Variants in ASS1 observed in about 807,000 individuals in gnomAD.
ASS1 encodes the protein argininosuccinate synthase.
In ASS1, 58 loss-of-function variants were observed where a neutral mutation model predicts 60.5. The ratio of observed to expected loss-of-function variants is 0.96; its 90% CI spans 0.78 to 1.19. The LOEUF is 1.19. Among genes scored for constraint, ASS1 ranks in the 50% most tolerant of loss-of-function variants. The pLI is 0.00. For missense variants in ASS1, 454 were observed against 547.3 expected (o/e 0.83, Z 1.70); for synonymous variants, 200 against 206.9 (o/e 0.97, Z 0.29).
In ASS1 at chr9:130,464,066, AC is replaced by A. The variant is rs760128990; in HGVS notation, c.364-40del. ...CTCACGTCCTCCCCCAGACTCCAGAACCCCCATCCTGTGGCTCCTGACAGCC... is the reference window on the plus strand; with the variant it reads ...CTCACGTCCTCCCCCAGACTCCAGAACCCCATCCTGTGGCTCCTGACAGCC... On this transcript the variant is annotated intron_variant, in intron 4 of 14. Transcript: ENST00000352480. 5.0e-6 allele frequency: 8 copies of A among 1,610,438 alleles called. No individual in the cohort carries two copies. The African/African-American group carries it at 8.0e-5, about 16-fold the overall frequency.
chr9:130,501,255 A>C lies in ASS1; in HGVS notation c.*234A>C. ...GCTATAAAAATGACAATTAAAAGAG[A>C]CACTAGTCTTTTATTTCTAGTGAGT... On this transcript the variant is annotated 3_prime_UTR_variant, in exon 15 of 15. Coordinates refer to ENST00000352480, the MANE Select transcript of ASS1 (RefSeq NM_054012.4). The C allele has an allele frequency of 1.8e-6, 1 of 547,512 alleles. No individual in the cohort carries two copies. The highest frequency in any genetic ancestry group is 3.3e-6 in the Non-Finnish European group (1 of 305,480). 33.9% of individuals were successfully genotyped at this position (547,512 alleles called of 1,614,324 possible).
intron 1 of ASS1, among the ~76,000 whole-genome samples, chr9:130,448,794 C>T (rs1046651015): frequency 3.9e-5 from 6 of 152,172 alleles, no homozygotes; most frequent in Middle Eastern, 3.2e-3. Context: ...GAACTCCTGA[C>T]CTCAAGTGAT....
At chr9:130,463,368 T>C (rs932362892) in intron 4 of ASS1, among the ~76,000 whole-genome samples, 1 of 152,168 alleles carries the variant, frequency 6.6e-6, no homozygotes, top group African/African-American at 2.4e-5. Flanking sequence ...CCCGGCTATG[T>C]CGGGGGTAAC....
Position 130,496,155 on chromosome 9 carries a change from G to A in ASS1, c.1127+1132G>A, listed in dbSNP as rs76884613. ...AAGGGAACTAGCCAGGCAAGATGGT[G>A]CACACCTGTAATCCCAACTCTTTGG... On this transcript the variant is annotated intron_variant, in intron 13 of 14. Transcript: ENST00000352480. 8.6e-3 allele frequency among the ~76,000 whole-genome samples: 1,302 copies of A among 152,128 alleles called. 10 individuals carry two copies. Among genetic ancestry groups the A allele is most frequent in the Middle Eastern group, 0.014 (4 of 294 alleles).
chr9:130,479,571 C>T (rs1463004583), intron 9 of ASS1, 145 bp from the exon 10 acceptor site: 2 of 732,242 alleles, frequency 2.7e-6, no homozygotes, highest in East Asian at 2.6e-5. Flanking sequence ...TCAACCTGCA[C>T]AGGGCTTTTG....
At chr9:130,455,524 T>G (rs1442442320) in intron 3 of ASS1, among the ~76,000 whole-genome samples, 1 of 152,270 alleles carries the variant, frequency 6.6e-6, no homozygotes, top group Non-Finnish European at 1.5e-5. Flanking sequence ...TTCCCTCTTT[T>G]ATCTCTCTGT....
chr9:130,471,578 A>G (rs567075493), intron 8 of ASS1, 63 bp downstream of exon 8: 2 of 1,547,190 alleles, frequency 1.3e-6, no homozygotes, highest in Non-Finnish European at 1.8e-6. Context: ...CTCCATGCCG[A>G]TGCTGTCTGA....
Position 130,464,141 on chromosome 9 carries a change from T to C in ASS1, c.394T>C (p.Cys132Arg). The part of the protein sequence containing the change: ...GNDQVRFELS[C>R]YSLAPQIKVI... Reference sequence around the variant, plus strand: ...CGATCAGGTCCGGTTTGAGCTCAGCTGCTACTCACTGGCCCCCCAGATAAA... The same window carrying C: ...CGATCAGGTCCGGTTTGAGCTCAGCCGCTACTCACTGGCCCCCCAGATAAA... The change falls in exon 5 of 15, where the codon TGC becomes CGC. Residue 132 changes from cysteine to arginine, a missense_variant. Cys to Arg is a radical substitution (Grantham distance 180). Coordinates refer to ENST00000352480, the MANE Select transcript of ASS1 (RefSeq NM_054012.4). 8.7e-6 allele frequency: 14 copies of C among 1,613,984 alleles called. No homozygotes were observed. Among genetic ancestry groups the C allele is most frequent in the Non-Finnish European group, 1.2e-5 (14 of 1,179,984 alleles).
intron 5 of ASS1, among the ~76,000 whole-genome samples, chr9:130,464,899 C>T (rs764429364): frequency 1.3e-5 from 2 of 151,898 alleles, no homozygotes; most frequent in Non-Finnish European, 2.9e-5. Flanking sequence ...GTGCCGAGTG[C>T]AGGGCCCAGG....
chr9:130,466,682 A>AG (rs1845750765), intron 5 of ASS1, 43 bp from the exon 6 acceptor site: 1 of 1,591,912 alleles, frequency 6.3e-7, no homozygotes, highest in Non-Finnish European at 8.6e-7. Context: ...GGGGAAGCCC[A>AG]CAGCTCGGCC....
intron 1 of ASS1, chr9:130,450,195 C>T (rs748675185): frequency 6.0e-5 from 54 of 894,718 alleles, no homozygotes; most frequent in African/African-American, 2.7e-4. Flanking sequence ...GGAGATTGGG[C>T]GGCTGGAAAG....
chr9:130,492,775 G>C (rs1846479813), intron 12 of ASS1, among the ~76,000 whole-genome samples: 1 of 152,190 alleles, frequency 6.6e-6, no homozygotes, highest in African/African-American at 2.4e-5. Context: ...CTAGCAGCAC[G>C]GGGGAGGGGT....
In ASS1 at chr9:130,456,311, C is replaced by A. The variant is rs981401351; in HGVS notation, c.174+1938C>A. 4.0e-5 allele frequency among the ~76,000 whole-genome samples: 6 copies of A among 151,626 alleles called. No homozygotes were observed. In the East Asian group the frequency reaches 7.9e-4, roughly 20 times the overall value. The stretch of plus-strand genomic sequence containing the variant: ...TGAAACCCTGTCTCTACTAAAAATA[C>A]AAAAATTAGCTGGGCGCGATGGTGG... On this transcript the variant is annotated intron_variant, in intron 3 of 14. Coordinates refer to ENST00000352480, the MANE Select transcript of ASS1 (RefSeq NM_054012.4).
intron 4 of ASS1, among the ~76,000 whole-genome samples, chr9:130,461,757 C>T (rs1232373868): frequency 6.6e-6 from 1 of 152,204 alleles, no homozygotes; most frequent in African/African-American, 2.4e-5. Context: ...CTTGGAGGTG[C>T]TGGTCCAGCC....
chr9:130,496,853 C>G (rs983221390), intron 13 of ASS1, among the ~76,000 whole-genome samples: 2 of 152,252 alleles, frequency 1.3e-5, no homozygotes, highest in Non-Finnish European at 2.9e-5. Flanking sequence ...GTGGGACAGA[C>G]AGCCCCCACT....
In ASS1 at chr9:130,495,500, CAT is replaced by C. The variant is rs1554725214; in HGVS notation, c.1127+487_1127+488del. The stretch of plus-strand genomic sequence containing the variant: ...ACACACACACACACACACACACACA[CAT>C]ATATATATAAAATAATTGGGGTTGT... On this transcript the variant is annotated intron_variant, in intron 13 of 14. Transcript: ENST00000352480. Among the ~76,000 whole-genome samples, 1,341 of 148,324 alleles carry C rather than the reference CAT, an allele frequency of 9.0e-3. 21 individuals carry two copies. The highest frequency in any genetic ancestry group is 0.032 in the African/African-American group (1,233 of 38,782).
chr9:130,462,974 G>C lies in ASS1; in HGVS notation c.364-1137G>C, dbSNP rs376200746. On this transcript the variant is annotated intron_variant, in intron 4 of 14. Transcript: ENST00000352480. Reference sequence around the variant, plus strand: ...TATGGCTAAAAATCCCCCTGGCCCTGGGGGCCTCTCTGAGTGACAGCACAT... The same window carrying C: ...TATGGCTAAAAATCCCCCTGGCCCTCGGGGCCTCTCTGAGTGACAGCACAT... Among the ~76,000 whole-genome samples the C allele has an allele frequency of 7.2e-5, 11 of 152,304 alleles. 1 individual carries two copies. Among genetic ancestry groups the C allele is most frequent in the African/African-American group, 2.4e-4 (10 of 41,562 alleles).
intron 11 of ASS1, among the ~76,000 whole-genome samples, chr9:130,482,875 G>A (rs1479000949): frequency 6.6e-6 from 1 of 152,186 alleles, no homozygotes; most frequent in East Asian, 1.9e-4. Context: ...CAAAAGCACA[G>A]AATTTAGTCA....
Position 130,494,091 on chromosome 9 carries a change from G to A in ASS1, c.971-776G>A, listed in dbSNP as rs1464125820. Among the ~76,000 whole-genome samples, 2 of 152,226 alleles carry A rather than the reference G, an allele frequency of 1.3e-5. No homozygotes were observed. ...CCCTTCCTCACCCAGAAAGGGGAGA[G>A]GCTAAGAGAGTTTCTCTCAGAGTGC... is the stretch of plus-strand genomic sequence containing the variant. On this transcript the variant is annotated intron_variant, in intron 12 of 14. Transcript: ENST00000352480. The surrounding 1 kb of genome is among the most constrained non-coding windows in gnomAD (Gnocchi z 4.3).
Sources: gnomAD v4.1 joint callset for allele counts (sites outside exome capture counted in the v4.1 genomes callset) on GRCh38, gnomAD v4.1.1 for gene constraint, Gnocchi (gnomAD v3.1) non-coding constraint, MANE v1.5 for transcripts, NCBI Gene and HGNC (gene_info 2026-07-23, HGNC 2026-07-21) for gene names.